ADAMTS17: variants seen among roughly 807,000 people sequenced by gnomAD.
The protein encoded by ADAMTS17 is ADAM metallopeptidase with thrombospondin type 1 motif 17.
Under a neutral mutation model 141.5 loss-of-function variants are expected in ADAMTS17, and 113 were observed. The observed-to-expected ratio is 0.80, with a 90% confidence interval of 0.69 to 0.93. ADAMTS17 has a LOEUF of 0.93. Ranked by LOEUF, ADAMTS17 falls within the 40% of genes least tolerant of loss-of-function variation. The pLI, the probability that ADAMTS17 is intolerant of heterozygous loss-of-function variation, is 0.00. For missense variants in ADAMTS17, 1,659 were observed against 1,517.9 expected (o/e 1.09, Z -1.54); for synonymous variants, 768 against 630.6 (o/e 1.22, Z -3.27).
chr15:99,993,010 C>T lies in ADAMTS17; in HGVS notation c.2949+38G>A. 1.2e-6 allele frequency: 2 copies of T among 1,613,536 alleles called. No homozygotes were observed. Among genetic ancestry groups the T allele is most frequent in the Non-Finnish European group, 1.7e-6 (2 of 1,179,946 alleles). On this transcript the variant is annotated intron_variant, in intron 20 of 21. Coordinates refer to ENST00000268070, the MANE Select transcript of ADAMTS17 (RefSeq NM_139057.4). This position sits in a 1 kb window ranked among gnomAD's most constrained non-coding sequence, Gnocchi z 4.3. ...GTTCCCGACCCTCGAGCCCCCTGCA[C>T]TGCGGCACGGAGAGAAATGCCAGCA...
intron 3 of ADAMTS17, among the ~76,000 whole-genome samples, chr15:100,286,697 T>A (rs1407985018): frequency 6.6e-6 from 1 of 151,994 alleles, no homozygotes. Context: ...TAAAGGAACA[T>A]CAGCCCATGC....
At chr15:100,040,251 C>A (rs1198283360) in intron 18 of ADAMTS17, among the ~76,000 whole-genome samples, 2 of 152,176 alleles carry the variant, frequency 1.3e-5, no homozygotes, top group African/African-American at 2.4e-5. Flanking sequence ...CTCAGCAATT[C>A]CACAAGCTAG....
intron 7 of ADAMTS17, among the ~76,000 whole-genome samples, chr15:100,245,346 C>A (rs1471386239): frequency 6.6e-6 from 1 of 152,212 alleles, no homozygotes; most frequent in African/African-American, 2.4e-5. Context: ...ATGAAGGGGG[C>A]TCTGGGCCTG....
chr15:100,099,745 T>TGG (rs1567171559), intron 14 of ADAMTS17, among the ~76,000 whole-genome samples: 10 of 137,262 alleles, frequency 7.3e-5, no homozygotes, highest in Non-Finnish European at 1.6e-4. Context: ...TGGGATGGTA[T>TGG]GAGATGGTAT....
chr15:100,063,656 G>A (rs2033290681), intron 15 of ADAMTS17: 1 of 1,289,320 alleles, frequency 7.8e-7, no homozygotes, highest in African/African-American at 1.5e-5. Flanking sequence ...CATAAATGGT[G>A]AGTCAAGTCA....
At chr15:99,988,938 T>C (rs905265339) in intron 20 of ADAMTS17, among the ~76,000 whole-genome samples, 3 of 152,186 alleles carry the variant, frequency 2.0e-5, no homozygotes, top group African/African-American at 4.8e-5. Context: ...TTGCAGCTCC[T>C]TGTACCAGGA....
chr15:100,170,612 A>G (rs1413159036), intron 8 of ADAMTS17, among the ~76,000 whole-genome samples: 1 of 152,032 alleles, frequency 6.6e-6, no homozygotes, highest in East Asian at 1.9e-4. Flanking sequence ...TCTCAAAACA[A>G]CATCTTTTAA....
At chr15:100,155,659 TA>T (rs2039400384) in intron 8 of ADAMTS17, among the ~76,000 whole-genome samples, 2 of 152,262 alleles carry the variant, frequency 1.3e-5, no homozygotes, top group Admixed American at 6.5e-5. Flanking sequence ...TTTCTTACAT[TA>T]AATATTCCAA....
chr15:100,020,561 C>A (rs1237582691), intron 18 of ADAMTS17, among the ~76,000 whole-genome samples: 1 of 152,184 alleles, frequency 6.6e-6, no homozygotes, highest in Non-Finnish European at 1.5e-5. Context: ...CAGGAGCCAG[C>A]CAGGCCCCTG....
At chr15:100,328,419 C>G (rs1267874387) in intron 3 of ADAMTS17, among the ~76,000 whole-genome samples, 3 of 152,160 alleles carry the variant, frequency 2.0e-5, no homozygotes, top group African/African-American at 4.8e-5. Context: ...ATGTAACTCT[C>G]CTCTGTGTCT....
intron 7 of ADAMTS17, among the ~76,000 whole-genome samples, chr15:100,223,421 T>A (rs955523357): frequency 1.3e-5 from 2 of 152,198 alleles, no homozygotes; most frequent in Non-Finnish European, 2.9e-5. Context: ...AGTTTGCTAC[T>A]TCTGCATGAA....
chr15:100,071,993 A>G (rs1276900668), intron 15 of ADAMTS17, among the ~76,000 whole-genome samples: 1 of 150,236 alleles, frequency 6.7e-6, no homozygotes, highest in Non-Finnish European at 1.5e-5. Flanking sequence ...ACATGACTGT[A>G]TATCTAGAAA....
chr15:100,059,795 T>C lies in ADAMTS17; in HGVS notation c.2138-5741A>G, dbSNP rs1439106278. Among the ~76,000 whole-genome samples, 18 of 152,190 alleles carry C rather than the reference T, an allele frequency of 1.2e-4. 1 individual carries two copies. Among genetic ancestry groups the C allele is most frequent in the Admixed American group, 1.2e-3 (18 of 15,284 alleles). On this transcript the variant is annotated intron_variant, in intron 15 of 21. Coordinates refer to ENST00000268070, the MANE Select transcript of ADAMTS17 (RefSeq NM_139057.4). ...GCAGAGTGGGGTCTGCAAAGGCCTA[T>C]GAGGCCCATGAGGCTGCAGCTCCAG...
At chr15:100,004,617 C>CTT (rs10591279) in intron 18 of ADAMTS17, among the ~76,000 whole-genome samples, 150 of 116,188 alleles carry the variant, frequency 1.3e-3, no homozygotes, top group Non-Finnish European at 1.4e-3. Context: ...TACTGTAATT[C>CTT]TTTTTTTTTT....
chr15:100,068,211 G>A lies in ADAMTS17; in HGVS notation c.2138-14157C>T, dbSNP rs192688121. Among the ~76,000 whole-genome samples, 1,164 of 152,144 alleles carry A rather than the reference G, an allele frequency of 7.7e-3. 13 individuals carry two copies. Among genetic ancestry groups the A allele is most frequent in the African/African-American group, 0.026 (1,060 of 41,530 alleles). On this transcript the variant is annotated intron_variant, in intron 15 of 21. Transcript: ENST00000268070. ...GCGGCAGTGAGGCTGGGGGAGGGGC[G>A]CCCGCCATTGTCCAGGCTTGAGTAG... is the stretch of plus-strand genomic sequence containing the variant.
intron 3 of ADAMTS17, among the ~76,000 whole-genome samples, chr15:100,297,076 G>A (rs115795400): frequency 2.9e-3 from 447 of 152,318 alleles, no homozygotes; most frequent in African/African-American, 9.7e-3. Context: ...AGGCAGTGAT[G>A]CAAGGGCCAA....
At chr15:100,042,680 A>C (rs2031354254) in intron 18 of ADAMTS17, among the ~76,000 whole-genome samples, 1 of 152,202 alleles carries the variant, frequency 6.6e-6, no homozygotes. Flanking sequence ...TCTAACTGAG[A>C]TGGCTACTGA....
At chr15:100,241,185 ATAT>A (rs1319251309) in intron 7 of ADAMTS17, among the ~76,000 whole-genome samples, 2 of 152,140 alleles carry the variant, frequency 1.3e-5, no homozygotes, top group African/African-American at 2.4e-5. Flanking sequence ...AATGAATCTA[ATAT>A]GGGTGGAGTA....
intron 18 of ADAMTS17, among the ~76,000 whole-genome samples, chr15:100,016,250 A>G (rs1026793981): frequency 2.6e-5 from 4 of 151,972 alleles, no homozygotes; most frequent in Non-Finnish European, 5.9e-5. Context: ...TTCCTTGAAT[A>G]TTTCTCCCTT....
Sources: gnomAD v4.1 joint callset for allele counts (sites outside exome capture counted in the v4.1 genomes callset) on GRCh38, gnomAD v4.1.1 for gene constraint, Gnocchi (gnomAD v3.1) non-coding constraint, MANE v1.5 for transcripts, NCBI Gene and HGNC (gene_info 2026-07-23, HGNC 2026-07-21) for gene names.